The following INSL6 variants were observed in gnomAD, a reference collection of about 807,000 sequenced individuals.
The protein encoded by INSL6 is insulin-like peptide INSL6.
Under a neutral mutation model 9.4 loss-of-function variants are expected in INSL6, and 16 were observed. The ratio of observed to expected loss-of-function variants is 1.70; its 90% CI spans 1.15 to 2.59. The LOEUF is 2.59. Ranked by LOEUF, INSL6 falls within the 30% of genes most tolerant of loss-of-function variation. The pLI is 0.00. For missense variants in INSL6, 391 were observed against 257.3 expected, an observed-to-expected ratio of 1.52 and a Z score of -3.56; for synonymous variants, 154 against 96.9, an observed-to-expected ratio of 1.59 and a Z score of -3.46.
chr9:5,184,519 C>T (rs562367832), intron 1 of INSL6, among the ~76,000 whole-genome samples: 4 of 152,264 alleles, frequency 2.6e-5, no homozygotes, highest in South Asian at 2.1e-4. Flanking sequence ...TAAACACATG[C>T]GATGTGCTAG....
chr9:5,094,236 C>G, the INSL6 span: 2 of 152,218 alleles, frequency 1.3e-5, no homozygotes, highest in Admixed American at 1.3e-4. Flanking sequence ...CCCAATAAAA[C>G]TTTTCACCAG....
chr9:5,153,560 T>C (rs970820700), intron 2 of INSL6, among the ~76,000 whole-genome samples: 2 of 152,230 alleles, frequency 1.3e-5, no homozygotes, highest in African/African-American at 2.4e-5. Flanking sequence ...GATGACATGA[T>C]TGTATATTTA....
chr9:5,090,777 G>T, the INSL6 span: 1 of 1,612,536 alleles, frequency 6.2e-7, no homozygotes. Flanking sequence ...ATATCCACAG[G>T]GATCTGGCAA....
At chr9:5,170,387 A>G (rs1281976173) in intron 1 of INSL6, among the ~76,000 whole-genome samples, 1 of 152,160 alleles carries the variant, frequency 6.6e-6, no homozygotes, top group South Asian at 2.1e-4. Flanking sequence ...CTAAATGCCC[A>G]TATCAAAAAG....
At chr9:5,184,913 C>T (rs373240392) in intron 1 of INSL6, among the ~76,000 whole-genome samples, 2 of 152,274 alleles carry the variant, frequency 1.3e-5, no homozygotes, top group African/African-American at 2.4e-5. Context: ...TAGCCAATGA[C>T]GACAGTCAAA....
chr9:5,080,718 T>C, the INSL6 span: 2,593 of 1,458,324 alleles, frequency 1.8e-3, 34 homozygotes, highest in African/African-American at 0.034. Context: ...ATTTTCCAGC[T>C]TTCTATCTTT....
intron 3 of INSL6, among the ~76,000 whole-genome samples, chr9:5,129,472 C>G (rs964404319): frequency 6.6e-6 from 1 of 151,966 alleles, no homozygotes; most frequent in African/African-American, 2.4e-5. Context: ...GAAATTATTT[C>G]TCATGAAAGT....
the INSL6 span, chr9:5,070,114 G>T: frequency 2.7e-4 from 323 of 1,174,568 alleles, 4 homozygotes; most frequent in South Asian, 5.2e-3. Context: ...CTGTTTTCTT[G>T]ATTTACATTC....
Position 5,134,066 on chromosome 9 carries a change from G to A in INSL6, c.377-474C>T, listed in dbSNP as rs182725354. Among the ~76,000 whole-genome samples, 4 of 152,200 alleles carry A rather than the reference G, an allele frequency of 2.6e-5. No individual in the cohort carries two copies. The East Asian group carries it at 7.7e-4, about 29-fold the overall frequency. ...GAAGCATACACGAGTATCAACAGCT[G>A]AATCGGTCAGGCAGAAGAAAGGATA... On this transcript the variant is annotated intron_variant, in intron 2 of 3. Coordinates refer to the INSL6 transcript ENST00000649639.
intron 1 of INSL6, among the ~76,000 whole-genome samples, chr9:5,181,228 G>C (rs182425193): frequency 3.9e-5 from 6 of 152,204 alleles, no homozygotes; most frequent in Admixed American, 3.9e-4. Flanking sequence ...GAAGATTTAG[G>C]TTAGTCAATC....
At chr9:5,099,716 TA>T in the INSL6 span, 8 of 152,316 alleles carry the variant, frequency 5.3e-5, no homozygotes, top group African/African-American at 1.9e-4. Flanking sequence ...CAACCTGCAC[TA>T]AAACAGATAA....
chr9:5,086,252 G>A, the INSL6 span: 1 of 537,282 alleles, frequency 1.9e-6, no homozygotes, highest in Non-Finnish European at 2.4e-6. Flanking sequence ...GTAGGATGGT[G>A]GCTCCGCCTC....
At chr9:5,069,154 C>G in the INSL6 span, 1 of 1,612,336 alleles carries the variant, frequency 6.2e-7, no homozygotes, top group Admixed American at 1.7e-5. Flanking sequence ...GGAAACTGTT[C>G]GCTCAGACAA....
At chr9:5,120,212 G>A (rs1453264362), downstream of INSL6, among the ~76,000 whole-genome samples, 2 of 152,204 alleles carry the variant, frequency 1.3e-5, no homozygotes, top group Non-Finnish European at 2.9e-5. Flanking sequence ...GGAAGGGCGA[G>A]AGGGGCCAAA....
intron 1 of INSL6, among the ~76,000 whole-genome samples, chr9:5,168,840 C>T (rs1440060314): frequency 6.6e-6 from 1 of 151,962 alleles, no homozygotes; most frequent in East Asian, 1.9e-4. Flanking sequence ...GTCGAGTCAC[C>T]TATAAAGGGA....
At chr9:5,000,423 A>G in the INSL6 span, among the ~76,000 whole-genome samples, 1 of 152,234 alleles carries the variant, frequency 6.6e-6, no homozygotes, top group African/African-American at 2.4e-5. Context: ...GGGTATTTAC[A>G]AACACTTGAA....
the INSL6 span, chr9:5,041,985 T>C: frequency 1.4e-5 from 5 of 364,212 alleles, no homozygotes; most frequent in South Asian, 1.1e-4. Flanking sequence ...CGAGCTTGTG[T>C]GAGGGCCTTG....
chr9:5,036,253 C>G, the INSL6 span, among the ~76,000 whole-genome samples: 4 of 152,306 alleles, frequency 2.6e-5, no homozygotes, highest in Admixed American at 2.6e-4. Flanking sequence ...AAGAACATTC[C>G]ATGCTCATGG....
chr9:5,038,196 G>A, the INSL6 span, among the ~76,000 whole-genome samples: 1 of 152,148 alleles, frequency 6.6e-6, no homozygotes, highest in African/African-American at 2.4e-5. Flanking sequence ...AGAGGATCAA[G>A]ATGAAATGGA....
Sources: gnomAD v4.1 joint callset for allele counts (sites outside exome capture counted in the v4.1 genomes callset) on GRCh38, gnomAD v4.1.1 for gene constraint, MANE v1.5 for transcripts, NCBI Gene and HGNC (gene_info 2026-07-23, HGNC 2026-07-21) for gene names.